The following BANK1 variants were observed in gnomAD, a reference collection of about 807,000 sequenced individuals.
BANK1 encodes the protein B-cell scaffold protein with ankyrin repeats.
A neutral mutation model predicts 94.5 loss-of-function variants in BANK1; 95 were observed. The observed-to-expected ratio is 1.00, with a 90% confidence interval of 0.85 to 1.19. The LOEUF (loss-of-function observed/expected upper bound fraction) is 1.19. Among genes scored for constraint, BANK1 ranks in the 50% most tolerant of loss-of-function variants. The pLI is 0.00. For synonymous variants in BANK1, 334 were observed against 308.4 expected, an observed-to-expected ratio of 1.08 and a Z score of -0.87; for missense variants, 987 against 932.2, an observed-to-expected ratio of 1.06 and a Z score of -0.77.
chr4:102,007,049 A>G (rs1726284260), intron 7 of BANK1, among the ~76,000 whole-genome samples: 1 of 126,604 alleles, frequency 7.9e-6, no homozygotes, highest in Non-Finnish European at 1.7e-5. Flanking sequence ...AAATATATAT[A>G]TATATAAAAT....
chr4:102,030,506 T>C (rs61199206), intron 10 of BANK1, among the ~76,000 whole-genome samples: 9,837 of 151,942 alleles, frequency 0.065, 461 homozygotes, highest in African/African-American at 0.13. Flanking sequence ...ACTAGGTATG[T>C]GCATGCCATG....
intron 5 of BANK1, 94 bp downstream of exon 5, chr4:101,870,738 G>T (rs1728255064): frequency 2.2e-6 from 3 of 1,376,674 alleles, no homozygotes; most frequent in Middle Eastern, 1.9e-4. Flanking sequence ...TTTGAATGTG[G>T]ATTGAATAAC....
Position 102,073,545 on chromosome 4 carries a change from A to C in BANK1, c.2299-139A>C, listed in dbSNP as rs894491239. Reference sequence around the variant, plus strand: ...ATTCTGTTTCCTTTTAAAATGGAAGATTGTCTTGCCAGTTTTCTCTGCAAA... The same window carrying C: ...ATTCTGTTTCCTTTTAAAATGGAAGCTTGTCTTGCCAGTTTTCTCTGCAAA... On this transcript the variant is annotated intron_variant, in intron 15 of 16. Coordinates refer to ENST00000322953, the MANE Select transcript of BANK1 (RefSeq NM_017935.5). 1.7e-5 allele frequency: 11 copies of C among 663,526 alleles called. No homozygotes were observed. In the African/African-American group the frequency reaches 1.9e-4, roughly 11 times the overall value. 41.1% of individuals were successfully genotyped at this position (663,526 alleles called of 1,614,324 possible).
rs1413440032 is a variant in BANK1, at chr4:101,855,143, A to G, written c.578A>G (p.Asn193Ser). The change falls in exon 3 of 17, where the codon AAC becomes AGC. Residue 193 changes from asparagine (N) to serine (S), a missense_variant. Physicochemically the swap from Asn to Ser is conservative, Grantham distance 46. Coordinates refer to ENST00000322953, the MANE Select transcript of BANK1 (RefSeq NM_017935.5). ...EIEELSEASR[N>S]TIPLAVVLPT... ...GAAGAACTATCAGAAGCTTCAAGAA[A>G]CACCATACCACTAGCAGTGGTGCTT... 10 of 1,613,650 alleles carry G rather than the reference A, an allele frequency of 6.2e-6. No homozygotes were observed. Among genetic ancestry groups the G allele is most frequent in the African/African-American group, 1.3e-5 (1 of 74,910 alleles).
At chr4:101,826,341 TC>T (rs1417673310) in intron 1 of BANK1, among the ~76,000 whole-genome samples, 1 of 151,950 alleles carries the variant, frequency 6.6e-6, no homozygotes, top group East Asian at 1.9e-4. Flanking sequence ...CGCATTGGAG[TC>T]CTGATTCTAA....
chr4:101,982,636 CAT>C (rs568052170), intron 7 of BANK1, among the ~76,000 whole-genome samples: 119 of 152,102 alleles, frequency 7.8e-4, no homozygotes, highest in African/African-American at 2.6e-3. Context: ...ACACTCATAA[CAT>C]ATACAGCTCC....
At chr4:101,924,262 ATC>A in intron 7 of BANK1, among the ~76,000 whole-genome samples, 1 of 151,936 alleles carries the variant, frequency 6.6e-6, no homozygotes, top group East Asian at 1.9e-4. Flanking sequence ...GCTTAAAGTA[ATC>A]TCTTTCTCCC....
chr4:101,985,519 G>A (rs1225625870), intron 7 of BANK1, among the ~76,000 whole-genome samples: 1 of 151,796 alleles, frequency 6.6e-6, no homozygotes, highest in Non-Finnish European at 1.5e-5. Context: ...CCCCATAGTA[G>A]GATTTCATAA....
chr4:101,949,634 T>G (rs994787309), intron 7 of BANK1, among the ~76,000 whole-genome samples: 1 of 152,142 alleles, frequency 6.6e-6, no homozygotes, highest in African/African-American at 2.4e-5. Flanking sequence ...GAAATAATGT[T>G]TTGAACAACA....
chr4:101,904,152 C>G (rs1199305598), intron 6 of BANK1, among the ~76,000 whole-genome samples: 1 of 152,194 alleles, frequency 6.6e-6, no homozygotes, highest in East Asian at 1.9e-4. Context: ...TGTTCACAGT[C>G]TTGCTCAGCT....
At chr4:102,064,184 A>C (rs1728516006) in intron 13 of BANK1, among the ~76,000 whole-genome samples, 2 of 152,336 alleles carry the variant, frequency 1.3e-5, no homozygotes, top group South Asian at 4.1e-4. Context: ...CATAGCTTTT[A>C]GCTAGTCCTT....
intron 13 of BANK1, among the ~76,000 whole-genome samples, chr4:102,063,734 A>AC (rs1393237946): frequency 5.3e-5 from 8 of 149,958 alleles, no homozygotes; most frequent in Non-Finnish European, 1.0e-4. Context: ...AGGCAGGAGA[A>AC]CCCCCCCGGA....
chr4:101,824,373 A>T (rs570276650), intron 1 of BANK1, among the ~76,000 whole-genome samples: 1 of 152,358 alleles, frequency 6.6e-6, no homozygotes, highest in African/African-American at 2.4e-5. Flanking sequence ...CACTACACAG[A>T]TATATACAGA....
At chr4:101,897,338 G>A (rs1166867415) in intron 6 of BANK1, among the ~76,000 whole-genome samples, 1 of 151,864 alleles carries the variant, frequency 6.6e-6, no homozygotes, top group Non-Finnish European at 1.5e-5. Context: ...GGAGAAGATG[G>A]CATGGTTTTG....
chr4:101,998,027 C>A (rs540135088), intron 7 of BANK1, among the ~76,000 whole-genome samples: 196 of 152,270 alleles, frequency 1.3e-3, no homozygotes, highest in Non-Finnish European at 2.1e-3. Context: ...GATTTTAGAT[C>A]TTTCCCACTT....
Position 101,852,473 on chromosome 4 carries a change from T to TATATA in BANK1, c.470-2561_470-2557dup, listed in dbSNP as rs1297793372. ...AGAACCACTCAATATTTTTCGGCTA[T>TATATA]ATATATATATATATATATATATATA... On this transcript the variant is annotated intron_variant, in intron 2 of 16. Transcript: ENST00000322953. Among the ~76,000 whole-genome samples the TATATA allele has an allele frequency of 2.8e-4, 24 of 86,012 alleles. No individual in the cohort carries two copies. In the East Asian group the frequency reaches 7.3e-3, roughly 26 times the overall value. The allele number at this position is 86,012 out of a possible 152,430, so 56.4% of individuals were successfully genotyped here.
intron 5 of BANK1, among the ~76,000 whole-genome samples, chr4:101,887,637 C>A (rs1433608681): frequency 6.6e-6 from 1 of 152,120 alleles, no homozygotes; most frequent in Non-Finnish European, 1.5e-5. Context: ...AATGCAGATT[C>A]CTTGAATCTC....
At chr4:101,951,491 G>T (rs1466030429) in intron 7 of BANK1, among the ~76,000 whole-genome samples, 1 of 152,058 alleles carries the variant, frequency 6.6e-6, no homozygotes, top group Non-Finnish European at 1.5e-5. Flanking sequence ...AACACTGAAA[G>T]CTGAAATACT....
chr4:101,957,084 A>G (rs1724372998), intron 7 of BANK1, among the ~76,000 whole-genome samples: 2 of 152,170 alleles, frequency 1.3e-5, no homozygotes, highest in East Asian at 3.9e-4. Flanking sequence ...TATCAGTTAT[A>G]AGCTTAATTT....
Sources: allele counts gnomAD v4.1 joint callset (sites outside exome capture counted in the v4.1 genomes callset), GRCh38; gene constraint gnomAD v4.1.1; transcripts MANE v1.5; gene names NCBI Gene and HGNC (gene_info 2026-07-23, HGNC 2026-07-21).